Variants in DARS2 observed in about 807,000 individuals in gnomAD.
DARS2 encodes aspartate--tRNA ligase, mitochondrial.
In DARS2, 63 loss-of-function variants were observed where a neutral mutation model predicts 83.0. The ratio of observed to expected loss-of-function variants is 0.76; its 90% confidence interval spans 0.62 to 0.94. The LOEUF is 0.94. DARS2 is among the 40% of genes least tolerant of loss of function. The probability of loss-of-function intolerance (pLI) is 0.00; values close to 1 mark genes in which losing one functional copy is unlikely to be tolerated. For missense variants in DARS2, 675 were observed against 774.4 expected (o/e 0.87, Z 1.52); for synonymous variants, 250 against 269.3 (o/e 0.93, Z 0.70).
At chr1:173,837,999 G>A (rs866083740) in intron 8 of DARS2, among the ~76,000 whole-genome samples, 191 bp from the exon 9 acceptor site, 5 of 152,000 alleles carry the variant, frequency 3.3e-5, no homozygotes, top group South Asian at 2.1e-4. Context: ...GGTCTTGAAC[G>A]CCTGACCTCA....
At chr1:173,832,004 G>T (rs1160327380) in intron 5 of DARS2, among the ~76,000 whole-genome samples, 1 of 152,190 alleles carries the variant, frequency 6.6e-6, no homozygotes, top group Non-Finnish European at 1.5e-5. Context: ...TCTATTAAGT[G>T]ATAAAATGTG....
intron 13 of DARS2, 142 bp downstream of exon 13, chr1:173,850,621 T>TTA: frequency 1.1e-6 from 1 of 915,664 alleles, no homozygotes; most frequent in Non-Finnish European, 1.6e-6. Context: ...TTTTTTTTTT[T>TTA]AAGAGACGGA....
In DARS2 at chr1:173,831,585, G is replaced by A. The variant is rs1429934584; in HGVS notation, c.447G>A (p.Leu149=). 6.2e-7 allele frequency: 1 copy of A among 1,614,108 alleles called. No homozygotes were observed. The highest frequency in any genetic ancestry group is 1.7e-5 in the Admixed American group (1 of 60,006). The change falls in exon 5 of 17, where the codon CTG becomes CTA. Residue 149 remains leucine, a synonymous_variant. Coordinates refer to ENST00000649689, the MANE Select transcript of DARS2 (RefSeq NM_018122.5). The stretch of plus-strand genomic sequence containing the variant: ...TCAAAGTTAAAACAGCTGAGCTTCT[G>A]AATGCCTGCAAGAAGCTGCCCTTTG... ...IEIKVKTAEL[L]NACKKLPFEI...
rs551462914 is a variant in DARS2 at position 173,833,318 on chromosome 1, A to G, written c.493-58A>G. The G allele has an allele frequency of 9.5e-5, 140 of 1,467,422 alleles. No individual in the cohort carries two copies. The Admixed American group carries it at 1.1e-3, about 11-fold the overall frequency. The allele number at this position is 1,467,422 out of a possible 1,614,324, so 90.9% of individuals were successfully genotyped here. ...TTGAAAATTCAAACTCTTTCTAAAG[A>G]TAATACCTTTCTAATATTGAAAAAT... On this transcript the variant is annotated intron_variant, in intron 5 of 16. Transcript: ENST00000649689.
chr1:173,830,577 T>G, intron 3 of DARS2, 83 bp from the exon 4 acceptor site: 1 of 1,176,872 alleles, frequency 8.5e-7, no homozygotes, highest in Non-Finnish European at 1.3e-6. Context: ...CTATTAACGT[T>G]TTTTAAACCA....
intron 7 of DARS2, among the ~76,000 whole-genome samples, chr1:173,836,396 G>A (rs866364020): frequency 7.3e-5 from 11 of 150,486 alleles, no homozygotes; most frequent in Middle Eastern, 3.5e-3. Flanking sequence ...AAAAATTAGC[G>A]GGGCATGGTG....
intron 2 of DARS2, 52 bp downstream of exon 2, chr1:173,826,838 A>T (rs765609285): frequency 7.6e-7 from 1 of 1,316,686 alleles, no homozygotes; most frequent in Admixed American, 1.7e-5. Flanking sequence ...TTCCCAGGGC[A>T]ATTCCAAACC....
chr1:173,842,081 G>A (rs1278879888), intron 11 of DARS2, among the ~76,000 whole-genome samples: 2 of 152,020 alleles, frequency 1.3e-5, no homozygotes. Context: ...GAGAATGGTT[G>A]GGCTGAGCAA....
At chr1:173,851,879 G>A (rs191321092) in intron 13 of DARS2, 189 of 985,148 alleles carry the variant, frequency 1.9e-4, no homozygotes, top group Middle Eastern at 5.2e-4. Context: ...GTAATCCCCC[G>A]TCTCCCCTTC....
intron 9 of DARS2, 49 bp from the exon 10 acceptor site, chr1:173,839,318 G>A (rs1202041897): frequency 6.6e-7 from 1 of 1,515,660 alleles, no homozygotes; most frequent in Non-Finnish European, 9.2e-7. Context: ...ATATATAAAT[G>A]TGTATATATT....
intron 8 of DARS2, 117 bp from the exon 9 acceptor site, chr1:173,838,073 C>T: frequency 1.2e-6 from 1 of 843,422 alleles, no homozygotes; most frequent in South Asian, 1.4e-5. Flanking sequence ...ATGCCCGGCC[C>T]TTCTTACGTT....
chr1:173,825,178 T>G lies in DARS2; in HGVS notation c.-52T>G. On this transcript the variant is annotated 5_prime_UTR_variant, in exon 1 of 17. Coordinates refer to ENST00000649689, the MANE Select transcript of DARS2 (RefSeq NM_018122.5). ...TGTATTTCCAAAACTGACTTTTAAC[T>G]ACCGGCAGCGTGGGATTTCGTGATT... The G allele has an allele frequency of 1.3e-6, 2 of 1,598,992 alleles. No individual in the cohort carries two copies. The highest frequency in any genetic ancestry group is 1.7e-6 in the Non-Finnish European group (2 of 1,169,984).
intron 12 of DARS2, among the ~76,000 whole-genome samples, chr1:173,850,080 C>T (rs1230390778): frequency 1.3e-5 from 2 of 151,706 alleles, no homozygotes; most frequent in Non-Finnish European, 2.9e-5. Flanking sequence ...TGGTGTTGAA[C>T]TCCTGAGGTG....
chr1:173,835,661 AC>A (rs1346372813), intron 7 of DARS2, among the ~76,000 whole-genome samples: 1 of 152,108 alleles, frequency 6.6e-6, no homozygotes, highest in Admixed American at 6.5e-5. Flanking sequence ...TAATCTCAGC[AC>A]TCTGGGAGGC....
At chr1:173,834,776 TTTTTTG>T (rs1262952528) in intron 7 of DARS2, among the ~76,000 whole-genome samples, 2 of 100,608 alleles carry the variant, frequency 2.0e-5, no homozygotes, top group African/African-American at 9.4e-5. Flanking sequence ...TTGGGTTTTT[TTTTTTG>T]TTTTTTTTTT....
At chr1:173,851,996 A>G (rs1045518469) in intron 13 of DARS2, 9 of 985,292 alleles carry the variant, frequency 9.1e-6, no homozygotes, top group Non-Finnish European at 1.1e-5. Context: ...TGGCTATTAA[A>G]CCTTCTCTTG....
Position 173,824,913 on chromosome 1 carries a change from C to T in DARS2, c.-317C>T. 2.8e-6 allele frequency: 1 copy of T among 357,258 alleles called. No individual in the cohort carries two copies. Among genetic ancestry groups the T allele is most frequent in the South Asian group, 2.2e-5 (1 of 45,208 alleles). 22.1% of individuals were successfully genotyped at this position (357,258 alleles called of 1,614,324 possible). On this transcript the variant is annotated 5_prime_UTR_variant, in exon 1 of 17. Coordinates refer to ENST00000649689, the MANE Select transcript of DARS2 (RefSeq NM_018122.5). ...CTGGTTGTCTTGGGCTCGCGCCTGG[C>T]GCCGCTACGTGGAGTCGCTCTCTCG... is the stretch of plus-strand genomic sequence containing the variant.
rs1652763657 is a variant in DARS2, at chr1:173,830,688, G to C, written c.323G>C (p.Cys108Ser). 6.2e-7 allele frequency: 1 copy of C among 1,613,886 alleles called. No individual in the cohort carries two copies. The highest frequency in any genetic ancestry group is 1.3e-5 in the African/African-American group (1 of 74,914). ...GCAGCCTCTGTGAAGAAGATTTTAT[G>C]TGAAGCCCCTGTGGAATCTGTGGTG... ...ESAASVKKIL[C>S]EAPVESVVQV... Residue 108 changes from cysteine (C) to serine (S), a missense_variant, in exon 4 of 17, where the codon TGT (cysteine) becomes TCT (serine). Transcript: ENST00000649689.
At chr1:173,829,269 A>T (rs978520998) in intron 3 of DARS2, among the ~76,000 whole-genome samples, 12 of 151,936 alleles carry the variant, frequency 7.9e-5, no homozygotes, top group African/African-American at 2.7e-4. Context: ...CTCTGGAAGG[A>T]TACCTAAGTA....
Sources: gnomAD v4.1 joint callset for allele counts (sites outside exome capture counted in the v4.1 genomes callset) on GRCh38, gnomAD v4.1.1 for gene constraint, MANE v1.5 for transcripts, NCBI Gene and HGNC (gene_info 2026-07-23, HGNC 2026-07-21) for gene names.